Variants in LOXHD1 observed in about 807,000 individuals in gnomAD.
LOXHD1 encodes the protein lipoxygenase homology PLAT domains 1, also known as lipoxygenase homology domain-containing protein 1.
LOXHD1 carries 205 observed loss-of-function variants against 248.2 expected under a neutral mutation model. The ratio of observed to expected loss-of-function variants is 0.83; its 90% confidence interval spans 0.74 to 0.93. The LOEUF (loss-of-function observed/expected upper bound fraction) is 0.93, where lower values mean the gene tolerates loss of function less well. LOXHD1 is among the 40% of genes least tolerant of loss of function. The pLI is 0.00. For missense variants in LOXHD1, 2,930 were observed against 2,971.6 expected (o/e 0.99, Z 0.33); for synonymous variants, 1,113 against 1,162.8 (o/e 0.96, Z 0.87).
At chr18:46,609,471 CAAGTT>C (rs2038471944) in intron 6 of LOXHD1, among the ~76,000 whole-genome samples, 1 of 152,224 alleles carries the variant, frequency 6.6e-6, no homozygotes, top group Non-Finnish European at 1.5e-5. Context: ...TCTTTACAGT[CAAGTT>C]GTTATAAATC....
intron 21 of LOXHD1, among the ~76,000 whole-genome samples, chr18:46,549,398 C>T (rs1370408879): frequency 1.3e-5 from 2 of 152,154 alleles, no homozygotes; most frequent in Non-Finnish European, 2.9e-5. Flanking sequence ...TAATTTCATA[C>T]AGAATTTTCC....
At chr18:46,618,382 C>A (rs940157403) in intron 4 of LOXHD1, 92 bp from the exon 5 acceptor site, 3 of 799,520 alleles carry the variant, frequency 3.8e-6, no homozygotes. Context: ...TCTACACTTA[C>A]CCCCAGCAAT....
At chr18:46,644,802 CA>C (rs1285446558) in intron 2 of LOXHD1, among the ~76,000 whole-genome samples, 4 of 152,128 alleles carry the variant, frequency 2.6e-5, no homozygotes, top group African/African-American at 4.8e-5. Context: ...CGTTCCAAAG[CA>C]TTTGTGAAAC....
chr18:46,597,288 T>C (rs2038271027), intron 8 of LOXHD1, among the ~76,000 whole-genome samples: 1 of 151,928 alleles, frequency 6.6e-6, no homozygotes, highest in South Asian at 2.1e-4. Flanking sequence ...CAATCCAAAA[T>C]AATTTTAAAA....
chr18:46,580,604 A>G (rs571312690), intron 12 of LOXHD1, among the ~76,000 whole-genome samples: 7 of 152,258 alleles, frequency 4.6e-5, no homozygotes, highest in Non-Finnish European at 5.9e-5. Flanking sequence ...CACCATTAAC[A>G]GTACAGGAAT....
At chr18:46,580,772 T>C (rs1446553766) in intron 12 of LOXHD1, among the ~76,000 whole-genome samples, 1 of 152,170 alleles carries the variant, frequency 6.6e-6, no homozygotes, top group Non-Finnish European at 1.5e-5. Context: ...ATATAAATTA[T>C]TTAGAGATGC....
At position 46,593,615 on chromosome 18, in the gene LOXHD1, T is replaced by A; in HGVS notation, c.1416A>T (p.Ile472=). 1.9e-6 allele frequency: 3 copies of A among 1,552,332 alleles called. No individual in the cohort carries two copies. The highest frequency in any genetic ancestry group is 2.6e-6 in the Non-Finnish European group (3 of 1,147,122). Residue 472 remains isoleucine, a synonymous_variant, in exon 10 of 41, where the codon ATA becomes ATT. Transcript: ENST00000642948. ...NPNNKWFKPG[I]IEKFRIELPD... ...CCTCTCCTACCCTAAACTTCTCGAT[T>A]ATGCCGGGTTTGAACCACTTGTTGT...
intron 1 of LOXHD1, among the ~76,000 whole-genome samples, chr18:46,651,353 C>T (rs2039108813): frequency 6.6e-6 from 1 of 152,016 alleles, no homozygotes; most frequent in African/African-American, 2.4e-5. Context: ...TAGTCTATAC[C>T]ACAGGGAGGC....
intron 6 of LOXHD1, among the ~76,000 whole-genome samples, chr18:46,608,069 G>GAAGA (rs1210253535): frequency 1.4e-5 from 2 of 145,238 alleles, no homozygotes; most frequent in Non-Finnish European, 3.0e-5. Context: ...AGGAAGGAAG[G>GAAGA]AAAGAAGGAA....
intron 33 of LOXHD1, among the ~76,000 whole-genome samples, chr18:46,519,865 C>T (rs757877051): frequency 6.6e-6 from 1 of 152,198 alleles, no homozygotes; most frequent in Admixed American, 6.5e-5. Context: ...GGGGAGATGG[C>T]CAGCCCAAAG....
At chr18:46,507,179 C>G (rs950462061) in intron 36 of LOXHD1, among the ~76,000 whole-genome samples, 3 of 152,184 alleles carry the variant, frequency 2.0e-5, no homozygotes, top group African/African-American at 7.2e-5. Context: ...AGATGGCCAC[C>G]AAGCACATGG....
intron 12 of LOXHD1, among the ~76,000 whole-genome samples, chr18:46,585,929 T>C (rs2038050832): frequency 6.6e-6 from 1 of 152,214 alleles, no homozygotes. Flanking sequence ...TCAAGAGAAC[T>C]GAAAATATGT....
chr18:46,602,391 A>C (rs2038353308), intron 7 of LOXHD1, among the ~76,000 whole-genome samples: 1 of 151,974 alleles, frequency 6.6e-6, no homozygotes, highest in African/African-American at 2.4e-5. Flanking sequence ...TTTTTAGTAG[A>C]GACAGGTTTT....
At chr18:46,641,404 C>T (rs2038961700) in intron 3 of LOXHD1, among the ~76,000 whole-genome samples, 1 of 152,160 alleles carries the variant, frequency 6.6e-6, no homozygotes, top group Non-Finnish European at 1.5e-5. Flanking sequence ...GTAATCTCTC[C>T]TTATACCTTC....
chr18:46,545,633 T>C lies in LOXHD1; in HGVS notation c.3515-212A>G, dbSNP rs993899726. On this transcript the variant is annotated intron_variant, in intron 22 of 40. Coordinates refer to ENST00000642948, the MANE Select transcript of LOXHD1 (RefSeq NM_001384474.1). ...ATGTTCCTCTTGGCCATTTCTTTTT[T>C]TTTTTTTTTTTTTTGAGACGGAGTC... 3.3e-5 allele frequency among the ~76,000 whole-genome samples: 4 copies of C among 121,682 alleles called. 1 individual carries two copies. The highest frequency in any genetic ancestry group is 1.1e-4 in the African/African-American group (3 of 27,822). 79.8% of individuals were successfully genotyped at this position (121,682 alleles called of 152,430 possible).
chr18:46,477,604 T>C lies in LOXHD1; in HGVS notation c.6690A>G (p.Ser2230=). The change falls in exon 41 of 41, where the codon TCA becomes TCG. Residue 2230 remains serine (S), a synonymous_variant. Transcript: ENST00000642948. ...CCTCCACCTTCTCCACCAGCCAGCC[T>C]GAGCAGTAGCCACTGCTGTCGTGCT... is the stretch of plus-strand genomic sequence containing the variant. ...RLEHDSSGYC[S]GWLVEKVEVT... 1 of 1,551,774 alleles carries C rather than the reference T, an allele frequency of 6.4e-7. No individual in the cohort carries two copies. Among genetic ancestry groups the C allele is most frequent in the Non-Finnish European group, 8.7e-7 (1 of 1,147,016 alleles).
At chr18:46,522,741 C>T (rs887711162) in intron 31 of LOXHD1, among the ~76,000 whole-genome samples, 1 of 152,132 alleles carries the variant, frequency 6.6e-6, no homozygotes, top group African/African-American at 2.4e-5. Context: ...TGAAGAAGAA[C>T]ATAAAAATGT....
rs750890550 is a variant in LOXHD1, at chr18:46,547,058, C to T, written c.3351G>A (p.Thr1117=). The part of the protein sequence containing the change: ...IDITDMNNEI[T]YYFPCQRWLA... The stretch of plus-strand genomic sequence containing the variant: ...GCCAACGTTGGCATGGAAAGTAGTA[C>T]CTGTGGGGGTGGATAGGGAAAGATT... Residue 1117 remains threonine (T), a splice_region_variant and synonymous_variant, in exon 22 of 41, where the codon ACG becomes ACA. Coordinates refer to ENST00000642948, the MANE Select transcript of LOXHD1 (RefSeq NM_001384474.1). 1.3e-6 allele frequency: 2 copies of T among 1,551,700 alleles called. No individual in the cohort carries two copies. The highest frequency in any genetic ancestry group is 1.7e-6 in the Non-Finnish European group (2 of 1,146,988).
chr18:46,562,972 T>C, intron 18 of LOXHD1, 93 bp downstream of exon 18: 1 of 1,395,640 alleles, frequency 7.2e-7, no homozygotes, highest in Non-Finnish European at 9.6e-7. Flanking sequence ...CATTCTCGGG[T>C]GAGTATTGAC....
Sources: gnomAD v4.1 joint callset for allele counts (sites outside exome capture counted in the v4.1 genomes callset) on GRCh38, gnomAD v4.1.1 for gene constraint, MANE v1.5 for transcripts, NCBI Gene and HGNC (gene_info 2026-07-23, HGNC 2026-07-21) for gene names.